CHGB: variants seen among roughly 807,000 people sequenced by gnomAD.
CHGB encodes chromogranin B, also known as secretogranin-1.
CHGB carries 46 observed loss-of-function variants against 69.9 expected under a neutral mutation model. That is an observed-to-expected ratio of 0.66 (90% confidence interval 0.52 to 0.84). CHGB has a LOEUF of 0.84. Ranked by LOEUF, CHGB falls within the 40% of genes least tolerant of loss-of-function variation. The pLI is 0.00. For missense variants in CHGB, 796 were observed against 822.2 expected, an observed-to-expected ratio of 0.97 and a Z score of 0.39; for synonymous variants, 312 against 298.2, an observed-to-expected ratio of 1.05 and a Z score of -0.48.
At chr20:5,924,761 A>C (rs2088539966) in intron 4 of CHGB, among the ~76,000 whole-genome samples, 1 of 152,208 alleles carries the variant, frequency 6.6e-6, no homozygotes, top group African/African-American at 2.4e-5. Context: ...CTCATTTAGT[A>C]GGTCCCAAGT....
chr20:5,922,572 C>A lies in CHGB; in HGVS notation c.428C>A (p.Pro143His). ...GATGAGCCCCAGTGGAGCCTCTATCCCTCCGACAGCCAAGTCTCTGAAGAA... is the reference window on the plus strand; with the variant it reads ...GATGAGCCCCAGTGGAGCCTCTATCACTCCGACAGCCAAGTCTCTGAAGAA... Reference protein sequence around the residue: ...RADEPQWSLYPSDSQVSEEVK... With the variant: ...RADEPQWSLYHSDSQVSEEVK... Residue 143 changes from proline (P) to histidine (H), a missense_variant, in exon 4 of 5, where the codon CCC (proline) becomes CAC (histidine). By Grantham distance (77) the Pro-to-His change is moderately conservative (BLOSUM62 -2). Transcript: ENST00000378961. 6.2e-7 allele frequency: 1 copy of A among 1,613,736 alleles called. No homozygotes were observed. Among genetic ancestry groups the A allele is most frequent in the South Asian group, 1.1e-5 (1 of 91,038 alleles).
At chr20:5,911,744 G>T (rs550483774) in intron 1 of CHGB, 62 bp downstream of exon 1, 6 of 1,335,662 alleles carry the variant, frequency 4.5e-6, no homozygotes, top group Non-Finnish European at 5.8e-6. Flanking sequence ...CTTCCCCGCC[G>T]CTCCCGCAGC....
chr20:5,920,201 TG>T (rs2088505731), intron 3 of CHGB, among the ~76,000 whole-genome samples: 1 of 152,128 alleles, frequency 6.6e-6, no homozygotes, highest in South Asian at 2.1e-4. Flanking sequence ...CATATTTAAT[TG>T]GGAAAAAATA....
intron 4 of CHGB, among the ~76,000 whole-genome samples, chr20:5,924,343 A>C (rs977914875): frequency 6.6e-5 from 10 of 152,160 alleles, no homozygotes; most frequent in African/African-American, 2.4e-4. Flanking sequence ...CACTGGGGTC[A>C]CCTGGAGAGC....
chr20:5,916,723 C>A (rs2088477434), intron 2 of CHGB, 103 bp from the exon 3 acceptor site: 1 of 1,012,368 alleles, frequency 9.9e-7, no homozygotes, highest in Non-Finnish European at 1.6e-6. Flanking sequence ...ACTGCATCAG[C>A]CCAGGTCACG....
chr20:5,917,984 A>G (rs998027641), intron 3 of CHGB: 11 of 147,754 alleles, frequency 7.4e-5, no homozygotes, highest in African/African-American at 2.5e-4. Context: ...AAAATACAAA[A>G]AAAAAAAAAA....
chr20:5,913,150 A>C (rs2088455783), intron 1 of CHGB, among the ~76,000 whole-genome samples: 1 of 152,258 alleles, frequency 6.6e-6, no homozygotes, highest in Non-Finnish European at 1.5e-5. Flanking sequence ...TATTTTAAAT[A>C]AAAGTTTATA....
chr20:5,923,435 A>G lies in CHGB; in HGVS notation c.1291A>G (p.Met431Val). 6.2e-7 allele frequency: 1 copy of G among 1,614,130 alleles called. No homozygotes were observed. The highest frequency in any genetic ancestry group is 1.1e-5 in the South Asian group (1 of 91,080). Residue 431 changes from methionine (M) to valine (V), a missense_variant, in exon 4 of 5, where the codon ATG becomes GTG. By Grantham distance (21) the Met-to-Val change is conservative (BLOSUM62 1). Transcript: ENST00000378961. ...GGGAGGGGAGCCACGTGCCTATTTCATGTCTGACACCAGAGAAGAGAAAAG... is the reference window on the plus strand; with the variant it reads ...GGGAGGGGAGCCACGTGCCTATTTCGTGTCTGACACCAGAGAAGAGAAAAG... ...GRGGEPRAYF[M>V]SDTREEKRFL...
At chr20:5,919,902 A>G (rs997318901) in intron 3 of CHGB, among the ~76,000 whole-genome samples, 1 of 152,234 alleles carries the variant, frequency 6.6e-6, no homozygotes, top group Non-Finnish European at 1.5e-5. Flanking sequence ...TTTGGGGAGT[A>G]GGACAGAATC....
chr20:5,911,749 CG>C (rs1252253971), intron 1 of CHGB, 67 bp downstream of exon 1: 1 of 1,323,904 alleles, frequency 7.6e-7, no homozygotes, highest in Non-Finnish European at 9.7e-7. Context: ...CCGCCGCTCC[CG>C]CAGCCAGGCT....
chr20:5,913,714 C>T (rs2088459986), intron 1 of CHGB, among the ~76,000 whole-genome samples: 1 of 148,560 alleles, frequency 6.7e-6, no homozygotes, highest in African/African-American at 2.5e-5. Context: ...ACTGCAACCT[C>T]CATCTCCCGG....
At chr20:5,919,830 C>T (rs1364296718) in intron 3 of CHGB, among the ~76,000 whole-genome samples, 1 of 152,194 alleles carries the variant, frequency 6.6e-6, no homozygotes, top group Non-Finnish European at 1.5e-5. Context: ...CCACGCCCAT[C>T]TCCACTCCCA....
chr20:5,911,553 C>T lies in CHGB; in HGVS notation c.-81C>T. The T allele has an allele frequency of 7.0e-7, 1 of 1,426,006 alleles. No homozygotes were observed. Among genetic ancestry groups the T allele is most frequent in the Non-Finnish European group, 9.4e-7 (1 of 1,060,072 alleles). 88.3% of individuals were successfully genotyped at this position (1,426,006 alleles called of 1,614,324 possible). ...GGCACGCTGGTTTTCCGGGGCCGCT[C>T]CATCGCGCCTTCCTCCTGCGCCTCG... is the stretch of plus-strand genomic sequence containing the variant. On this transcript the variant is annotated 5_prime_UTR_variant, in exon 1 of 5. Transcript: ENST00000378961.
At chr20:5,922,197 T>G in intron 3 of CHGB, 138 bp from the exon 4 acceptor site, 1 of 1,181,350 alleles carries the variant, frequency 8.5e-7, no homozygotes, top group South Asian at 2.6e-5. Flanking sequence ...AAAAGGAATC[T>G]GAGTATATTC....
In CHGB at chr20:5,922,768, A is replaced by G; in HGVS notation, c.624A>G (p.Ile208Met). ...FLNERKQASAIKKEELVARSE... is the reference protein window; with the variant it reads ...FLNERKQASAMKKEELVARSE... ...ATGAAAGAAAGCAGGCTTCAGCTAT[A>G]AAAAAAGAGGAGTTAGTGGCCAGAT... is the stretch of plus-strand genomic sequence containing the variant. Residue 208 changes from isoleucine (I) to methionine (M), a missense_variant, in exon 4 of 5, where the codon ATA (isoleucine) becomes ATG (methionine). Ile to Met is a conservative substitution (Grantham distance 10). Transcript: ENST00000378961. The G allele has an allele frequency of 6.2e-7, 1 of 1,614,056 alleles. No homozygotes were observed. The highest frequency in any genetic ancestry group is 8.5e-7 in the Non-Finnish European group (1 of 1,179,976).
At position 5,916,325 on chromosome 20, in the gene CHGB, G is replaced by A; in HGVS notation, c.50-1G>A. 5.0e-6 allele frequency: 8 copies of A among 1,613,340 alleles called. No individual in the cohort carries two copies. Among genetic ancestry groups the A allele is most frequent in the Non-Finnish European group, 6.8e-6 (8 of 1,179,520 alleles). On this transcript the variant is annotated splice_acceptor_variant, in intron 1 of 4. Coordinates refer to ENST00000378961, the MANE Select transcript of CHGB (RefSeq NM_001819.3). LOFTEE classifies it high-confidence loss of function. ...TTTTCCATTCTTTTTCTCCTTCAAA[G>A]CTGTCAATTCCATGCCAGTGGATAA...
At chr20:5,916,075 C>A (rs13036884) in intron 1 of CHGB, 51,897 of 515,716 alleles carry the variant, frequency 0.1, 3,350 homozygotes, top group Non-Finnish European at 0.13. Flanking sequence ...GAGTATACAG[C>A]TTAATACGCA....
intron 3 of CHGB, among the ~76,000 whole-genome samples, chr20:5,921,819 A>G (rs1474254126): frequency 6.6e-6 from 1 of 152,244 alleles, no homozygotes; most frequent in African/African-American, 2.4e-5. Context: ...AAATGTTTAA[A>G]TCCTCCTTTG....
intron 3 of CHGB, 76 bp downstream of exon 3, chr20:5,916,995 A>G: frequency 7.6e-7 from 1 of 1,312,282 alleles, no homozygotes; most frequent in South Asian, 1.2e-5. Context: ...ATCACCTTCT[A>G]CTTTATCTAC....
Sources: gnomAD v4.1 joint callset for allele counts (sites outside exome capture counted in the v4.1 genomes callset) on GRCh38, gnomAD v4.1.1 for gene constraint, MANE v1.5 for transcripts, NCBI Gene and HGNC (gene_info 2026-07-23, HGNC 2026-07-21) for gene names.